KAZN: variants seen among roughly 807,000 people sequenced by gnomAD.
KAZN encodes the protein kazrin.
A neutral mutation model predicts 87.4 loss-of-function variants in KAZN; 40 were observed. The observed-to-expected ratio is 0.46, with a 90% CI of 0.36 to 0.60. The LOEUF (loss-of-function observed/expected upper bound fraction) is 0.60. Ranked by LOEUF, KAZN falls within the 20% of genes least tolerant of loss-of-function variation. KAZN has a pLI of 0.00. For missense variants in KAZN, 898 were observed against 1,073.9 expected, an observed-to-expected ratio of 0.84 and a Z score of 2.29; for synonymous variants, 466 against 458.3, an observed-to-expected ratio of 1.02 and a Z score of -0.22.
At chr1:14,818,478 C>T (rs1343881273) in intron 1 of KAZN, among the ~76,000 whole-genome samples, 1 of 152,222 alleles carries the variant, frequency 6.6e-6, no homozygotes, top group Non-Finnish European at 1.5e-5. Context: ...ACAAGGGTCA[C>T]GAAGCAGTCA....
intron 2 of KAZN, among the ~76,000 whole-genome samples, chr1:14,351,553 A>G (rs1658551144): frequency 6.6e-6 from 1 of 152,146 alleles, no homozygotes; most frequent in African/African-American, 2.4e-5. Flanking sequence ...GCTAGACTCC[A>G]GTCTCAAAAA....
intron 1 of KAZN, among the ~76,000 whole-genome samples, chr1:14,666,916 A>G (rs1639592958): frequency 6.6e-6 from 1 of 152,080 alleles, no homozygotes. Flanking sequence ...TTGTAGTTTT[A>G]GTAGAGATGG....
intron 1 of KAZN, among the ~76,000 whole-genome samples, chr1:14,113,904 G>A (rs1316520183): frequency 6.6e-6 from 1 of 152,222 alleles, no homozygotes; most frequent in African/African-American, 2.4e-5. Flanking sequence ...CCAGTGACCT[G>A]TGTGTGGCCG....
intron 2 of KAZN, among the ~76,000 whole-genome samples, chr1:14,473,246 C>G (rs1462348363): frequency 8.3e-6 from 1 of 120,138 alleles, no homozygotes; most frequent in Non-Finnish European, 1.8e-5. Context: ...TTAGGACATA[C>G]TTATCTAAAG....
chr1:14,739,971 T>C (rs1644035867), intron 1 of KAZN, among the ~76,000 whole-genome samples: 1 of 152,100 alleles, frequency 6.6e-6, no homozygotes, highest in Non-Finnish European at 1.5e-5. Context: ...GGCTCTGGTT[T>C]ATTGGGGCAT....
chr1:14,901,535 T>A (rs1655903368), intron 1 of KAZN, among the ~76,000 whole-genome samples: 1 of 150,556 alleles, frequency 6.6e-6, no homozygotes, highest in African/African-American at 2.5e-5. Flanking sequence ...GGGCAGGGAG[T>A]CAGATGGGGG....
intron 1 of KAZN, among the ~76,000 whole-genome samples, chr1:14,156,340 T>C (rs2101813433): frequency 6.6e-6 from 1 of 152,330 alleles, no homozygotes; most frequent in Non-Finnish European, 1.5e-5. Context: ...TCTGTAAATA[T>C]CCATGAAGCC....
At chr1:14,937,500 CCTT>C (rs1459994388) in intron 1 of KAZN, among the ~76,000 whole-genome samples, 1 of 152,210 alleles carries the variant, frequency 6.6e-6, no homozygotes, top group Non-Finnish European at 1.5e-5. Context: ...TCCCTGCCAT[CCTT>C]CTTTGATCAC....
chr1:14,428,955 T>C (rs1237642719), intron 2 of KAZN, among the ~76,000 whole-genome samples: 3 of 151,970 alleles, frequency 2.0e-5, no homozygotes, highest in African/African-American at 2.4e-5. Context: ...ATAGAACATA[T>C]ATAATGTATA....
intron 2 of KAZN, among the ~76,000 whole-genome samples, chr1:14,961,167 T>C (rs750609002): frequency 1.6e-4 from 24 of 152,226 alleles, no homozygotes; most frequent in Non-Finnish European, 3.4e-4. Context: ...ACCAGGACGC[T>C]GACCCAGCAG....
chr1:14,853,259 T>G (rs1649675452), intron 1 of KAZN, among the ~76,000 whole-genome samples: 1 of 151,932 alleles, frequency 6.6e-6, no homozygotes, highest in Non-Finnish European at 1.5e-5. Flanking sequence ...GATGAGAAGG[T>G]GCCCAGGGCA....
intron 2 of KAZN, among the ~76,000 whole-genome samples, chr1:14,480,242 G>A (rs1193163783): frequency 6.6e-6 from 1 of 152,238 alleles, no homozygotes; most frequent in Admixed American, 6.5e-5. Context: ...CTTGTAATCT[G>A]CAAAGGGGAC....
rs138007853 is a variant in KAZN at position 14,533,736 on chromosome 1, G to A, written c.250-65247G>A. Among the ~76,000 whole-genome samples, 13 of 152,268 alleles carry A rather than the reference G, an allele frequency of 8.5e-5. No homozygotes were observed. In the East Asian group the frequency reaches 2.5e-3, roughly 29 times the overall value. On this transcript the variant is annotated intron_variant, in intron 2 of 16. Transcript: ENST00000636203. ...TTGCTCAGGTGTCACGTGCTTCATGGAGATTTCCAGTCTACAATCCACAAT... is the reference window on the plus strand; with the variant it reads ...TTGCTCAGGTGTCACGTGCTTCATGAAGATTTCCAGTCTACAATCCACAAT...
At chr1:14,473,623 G>A (rs1668567620) in intron 2 of KAZN, among the ~76,000 whole-genome samples, 1 of 145,212 alleles carries the variant, frequency 6.9e-6, no homozygotes, top group Admixed American at 7.0e-5. Context: ...TTGGGACAGA[G>A]AGAGACTCTG....
chr1:14,004,579 G>A (rs1639953951), intron 1 of KAZN, among the ~76,000 whole-genome samples: 1 of 152,206 alleles, frequency 6.6e-6, no homozygotes. Flanking sequence ...GAAGAAGCAC[G>A]ATGAGAATTT....
rs930579439 is a variant in KAZN, at chr1:14,599,411, G to A, written c.226+188G>A. ...GGAGTTGCAGGCTGCTGTCATTCACGAAAACCCGAGCGCAGTGTGCACGGG... is the reference window on the plus strand; with the variant it reads ...GGAGTTGCAGGCTGCTGTCATTCACAAAAACCCGAGCGCAGTGTGCACGGG... On this transcript the variant is annotated intron_variant, in intron 1 of 14. Transcript: ENST00000376030. This position sits in a 1 kb window ranked among gnomAD's most constrained non-coding sequence, Gnocchi z 4.4. Among the ~76,000 whole-genome samples, 2 of 152,028 alleles carry A rather than the reference G, an allele frequency of 1.3e-5. No homozygotes were observed. The highest frequency in any genetic ancestry group is 2.4e-5 in the African/African-American group (1 of 41,416).
rs77497664 is a variant in KAZN at position 14,703,020 on chromosome 1, T to C, written c.226+103797T>C. ...AATCTGACAGTTAAAGACTATTGTTTATTCTCATGTTACAGATAAGGAAAC... is the reference window on the plus strand; with the variant it reads ...AATCTGACAGTTAAAGACTATTGTTCATTCTCATGTTACAGATAAGGAAAC... On this transcript the variant is annotated intron_variant, in intron 1 of 14. Transcript: ENST00000376030. Among the ~76,000 whole-genome samples, 588 of 152,372 alleles carry C rather than the reference T, an allele frequency of 3.9e-3. 17 individuals carry two copies. The East Asian group carries it at 0.051, about 13-fold the overall frequency.
chr1:14,683,451 G>A (rs1640787024), intron 1 of KAZN, among the ~76,000 whole-genome samples: 1 of 152,112 alleles, frequency 6.6e-6, no homozygotes, highest in Non-Finnish European at 1.5e-5. Flanking sequence ...GATGCTATTA[G>A]GCATTCTTGG....
chr1:14,495,726 A>G (rs1383760501), intron 2 of KAZN, among the ~76,000 whole-genome samples: 1 of 152,172 alleles, frequency 6.6e-6, no homozygotes, highest in Non-Finnish European at 1.5e-5. Flanking sequence ...GATGCCCAGG[A>G]ACATGTATCT....
Sources: gnomAD v4.1 joint callset for allele counts (sites outside exome capture counted in the v4.1 genomes callset) on GRCh38, gnomAD v4.1.1 for gene constraint, Gnocchi (gnomAD v3.1) non-coding constraint, MANE v1.5 for transcripts, NCBI Gene and HGNC (gene_info 2026-07-23, HGNC 2026-07-21) for gene names.